Variants in CCDC158 observed in about 807,000 individuals in gnomAD.
CCDC158 encodes the protein coiled-coil domain-containing protein 158.
In CCDC158, 116 loss-of-function variants were observed where a neutral mutation model predicts 138.6. The observed-to-expected ratio is 0.84, with a 90% CI of 0.72 to 0.98. The LOEUF (loss-of-function observed/expected upper bound fraction) is 0.98, where lower values mean the gene tolerates loss of function less well. CCDC158 is among the 50% of genes least tolerant of loss of function. CCDC158 has a pLI of 0.00. For synonymous variants in CCDC158, 436 were observed against 442.4 expected (o/e 0.99, Z 0.18); for missense variants, 1,265 against 1,306.1 (o/e 0.97, Z 0.48).
At chr4:76,418,590 G>C (rs1729872474) in intron 1 of CCDC158, among the ~76,000 whole-genome samples, 1 of 152,184 alleles carries the variant, frequency 6.6e-6, no homozygotes, top group Admixed American at 6.5e-5. Context: ...GATCATGGAG[G>C]AAGAGCAAGG....
chr4:76,340,878 T>C (rs1209415839), intron 18 of CCDC158, among the ~76,000 whole-genome samples: 2 of 152,208 alleles, frequency 1.3e-5, no homozygotes, highest in East Asian at 3.8e-4. Context: ...TTCATGAAAC[T>C]GGTCACTGGT....
chr4:76,392,591 C>A (rs773850264), intron 4 of CCDC158, among the ~76,000 whole-genome samples: 1 of 151,896 alleles, frequency 6.6e-6, no homozygotes, highest in Non-Finnish European at 1.5e-5. Context: ...GACAAAGATA[C>A]CCACTTTCAC....
At chr4:76,331,498 G>A in intron 20 of CCDC158, 95 bp from the exon 21 acceptor site, 5 of 998,622 alleles carry the variant, frequency 5.0e-6, no homozygotes, top group Non-Finnish European at 8.0e-6. Flanking sequence ...GTATTCTTAT[G>A]TAGGGTGAAA....
chr4:76,322,822 G>A (rs2110078474), intron 24 of CCDC158, among the ~76,000 whole-genome samples: 1 of 152,286 alleles, frequency 6.6e-6, no homozygotes, highest in South Asian at 2.1e-4. Flanking sequence ...ATTTTTAGAA[G>A]TGGATTCTTT....
chr4:76,359,372 G>T (rs1350982894), intron 13 of CCDC158, among the ~76,000 whole-genome samples: 1 of 152,146 alleles, frequency 6.6e-6, no homozygotes, highest in East Asian at 1.9e-4. Context: ...TTTGCAAGTG[G>T]GTAACAGATA....
At chr4:76,319,343 G>C (rs185078947) in intron 24 of CCDC158, among the ~76,000 whole-genome samples, 5 of 144,962 alleles carry the variant, frequency 3.4e-5, no homozygotes, top group African/African-American at 7.7e-5. Flanking sequence ...TGAGGCAGGA[G>C]AATCACTTGA....
intron 8 of CCDC158, among the ~76,000 whole-genome samples, chr4:76,381,313 A>G (rs913170262): frequency 1.3e-5 from 2 of 152,234 alleles, no homozygotes; most frequent in Admixed American, 1.3e-4. Flanking sequence ...AGGCTGTACA[A>G]TGCAGAGCAA....
Position 76,362,251 on chromosome 4 carries a change from A to T in CCDC158, c.1895T>A (p.Leu632Gln). 1 of 1,614,058 alleles carries T rather than the reference A, an allele frequency of 6.2e-7. No individual in the cohort carries two copies. The highest frequency in any genetic ancestry group is 8.5e-7 in the Non-Finnish European group (1 of 1,179,994). Reference protein sequence around the residue: ...ELEARVSDLELEKVKLVNAGS... With the variant: ...ELEARVSDLEQEKVKLVNAGS... ...TGCATTCACCAGCTTCACCTTTTCC[A>T]GCTCCAAGTCACTCACTCTGGCCTC... The change falls in exon 13 of 25, where the codon CTG (leucine) becomes CAG (glutamine). Residue 632 changes from leucine (L) to glutamine (Q), a missense_variant. Physicochemically the swap from Leu to Gln is moderately radical, Grantham distance 113. Transcript: ENST00000682701.
At chr4:76,357,575 T>C in intron 13 of CCDC158, 49 bp from the exon 14 acceptor site, 1 of 1,152,084 alleles carries the variant, frequency 8.7e-7, no homozygotes. Context: ...TTCTATCCCA[T>C]TGTTAATTAA....
intron 18 of CCDC158, among the ~76,000 whole-genome samples, chr4:76,346,615 CAGG>C (rs1453965463): frequency 6.6e-6 from 1 of 152,144 alleles, no homozygotes; most frequent in African/African-American, 2.4e-5. Context: ...GAGGCTGAGG[CAGG>C]AGAATCACTT....
chr4:76,369,693 T>C, intron 10 of CCDC158, 70 bp from the exon 11 acceptor site: 3 of 1,376,662 alleles, frequency 2.2e-6, no homozygotes, highest in Non-Finnish European at 3.0e-6. Flanking sequence ...ATTGTCTTTA[T>C]ATCATATTTG....
chr4:76,393,485 A>G (rs939882730), intron 4 of CCDC158, among the ~76,000 whole-genome samples: 2 of 152,154 alleles, frequency 1.3e-5, no homozygotes, highest in African/African-American at 4.8e-5. Flanking sequence ...AATTAAATCA[A>G]AATGGGTTAA....
In CCDC158 at chr4:76,351,766, T is replaced by C. The variant is rs1723064541; in HGVS notation, c.2492A>G (p.Glu831Gly). Reference sequence around the variant, plus strand: ...AAGTTTTAAGCGCACTGATTCTTGCTCCTGACGCTGTATTATATCTTGACA... The same window carrying C: ...AAGTTTTAAGCGCACTGATTCTTGCCCCTGACGCTGTATTATATCTTGACA... ...AECQDIIQRQEQESVRLKLQH... is the reference protein window; with the variant it reads ...AECQDIIQRQGQESVRLKLQH... The change falls in exon 17 of 25, where the codon GAG becomes GGG. Residue 831 changes from glutamate to glycine, a missense_variant. By Grantham distance (98) the Glu-to-Gly change is moderately conservative. Transcript: ENST00000682701. 1.9e-6 allele frequency: 3 copies of C among 1,613,408 alleles called. No individual in the cohort carries two copies. Among genetic ancestry groups the C allele is most frequent in the Non-Finnish European group, 1.7e-6 (2 of 1,179,572 alleles).
chr4:76,333,242 T>C (rs1721164847), intron 19 of CCDC158, among the ~76,000 whole-genome samples: 1 of 152,166 alleles, frequency 6.6e-6, no homozygotes, highest in African/African-American at 2.4e-5. Context: ...AAACTGGAGA[T>C]TATTTATATA....
chr4:76,363,204 A>G (rs951928481), intron 12 of CCDC158, among the ~76,000 whole-genome samples: 1 of 152,126 alleles, frequency 6.6e-6, no homozygotes, highest in Admixed American at 6.5e-5. Flanking sequence ...CTCCAATATA[A>G]AAACCCGGGC....
chr4:76,372,138 T>C (rs926350346), intron 9 of CCDC158, among the ~76,000 whole-genome samples: 2 of 152,162 alleles, frequency 1.3e-5, no homozygotes, highest in African/African-American at 4.8e-5. Context: ...ACATGTTCTA[T>C]AATTTGGTAT....
At chr4:76,344,641 C>G (rs1474974609) in intron 18 of CCDC158, 1 of 1,576,390 alleles carries the variant, frequency 6.3e-7, no homozygotes, top group East Asian at 2.2e-5. Context: ...GTCAAATTTA[C>G]AGTGCACACA....
Position 76,326,157 on chromosome 4 carries a change from T to C in CCDC158, c.3011-142A>G, listed in dbSNP as rs1578868948. The stretch of plus-strand genomic sequence containing the variant: ...GACATTCTTCTAAATACCCAAGATT[T>C]GGGGTTGGAACTGAAAAGGGTTACG... On this transcript the variant is annotated intron_variant, in intron 22 of 24. Transcript: ENST00000682701. The C allele has an allele frequency of 1.3e-5, 9 of 677,184 alleles. No homozygotes were observed. The South Asian group carries it at 1.6e-4, about 12-fold the overall frequency. 41.9% of individuals were successfully genotyped at this position (677,184 alleles called of 1,614,324 possible). A position where few individuals can be genotyped will look rare whatever the true frequency, so the allele number is the denominator to read the frequency against.
chr4:76,341,567 T>C (rs1040605068), intron 18 of CCDC158, among the ~76,000 whole-genome samples: 1 of 152,232 alleles, frequency 6.6e-6, no homozygotes, highest in Non-Finnish European at 1.5e-5. Flanking sequence ...TGCATAGGAA[T>C]AGAATCTGAT....
Sources: allele counts gnomAD v4.1 joint callset (sites outside exome capture counted in the v4.1 genomes callset), GRCh38; gene constraint gnomAD v4.1.1; transcripts MANE v1.5; gene names NCBI Gene and HGNC (gene_info 2026-07-23, HGNC 2026-07-21).